Variants in MAGI2 observed in about 807,000 individuals in gnomAD.
MAGI2 encodes membrane-associated guanylate kinase, WW and PDZ domain-containing protein 2.
MAGI2 carries 35 observed loss-of-function variants against 133.3 expected under a neutral mutation model. The observed-to-expected ratio is 0.26, with a 90% CI of 0.20 to 0.35. MAGI2 has a LOEUF of 0.35. MAGI2 is among the 10% of genes least tolerant of loss of function. The pLI, the probability that MAGI2 is intolerant of heterozygous loss-of-function variation, is 1.00. For synonymous variants in MAGI2, 729 were observed against 710.6 expected (o/e 1.03, Z -0.41); for missense variants, 1,636 against 1,863.4 (o/e 0.88, Z 2.25).
intron 1 of MAGI2, among the ~76,000 whole-genome samples, chr7:79,015,218 G>A (rs1808567303): frequency 6.6e-6 from 1 of 152,050 alleles, no homozygotes; most frequent in Admixed American, 6.6e-5. Context: ...ACTTTGGGAG[G>A]CTGAGGCAGG....
intron 9 of MAGI2, among the ~76,000 whole-genome samples, chr7:78,308,380 G>A (rs1001452188): frequency 1.3e-5 from 2 of 152,060 alleles, no homozygotes; most frequent in African/African-American, 4.8e-5. Context: ...TTCGGAGTGG[G>A]GTATCCCCTT....
chr7:78,183,625 T>C (rs932782663), intron 13 of MAGI2, among the ~76,000 whole-genome samples: 1 of 152,136 alleles, frequency 6.6e-6, no homozygotes, highest in Non-Finnish European at 1.5e-5. Context: ...AGTGCAGTGG[T>C]GTGATCACAG....
chr7:78,115,634 TA>T (rs1819790751), intron 20 of MAGI2, among the ~76,000 whole-genome samples: 2 of 45,646 alleles, frequency 4.4e-5, no homozygotes, highest in African/African-American at 1.5e-4. Flanking sequence ...ACCTGGAAAA[TA>T]AAAGAAATAA....
At chr7:79,097,947 C>A (rs1817655848) in intron 1 of MAGI2, among the ~76,000 whole-genome samples, 1 of 152,052 alleles carries the variant, frequency 6.6e-6, no homozygotes, top group Non-Finnish European at 1.5e-5. Flanking sequence ...CATTGTGAAA[C>A]CCCATCTCTA....
At chr7:78,432,940 G>T (rs1799939714) in intron 6 of MAGI2, among the ~76,000 whole-genome samples, 1 of 151,956 alleles carries the variant, frequency 6.6e-6, no homozygotes, top group South Asian at 2.1e-4. Flanking sequence ...TTACTTTAGT[G>T]AGAAACTTTA....
At chr7:79,155,078 C>A (rs1248829146) in intron 1 of MAGI2, among the ~76,000 whole-genome samples, 2 of 152,142 alleles carry the variant, frequency 1.3e-5, no homozygotes, top group Non-Finnish European at 2.9e-5. Flanking sequence ...AAAATTTTCA[C>A]AAGGCACATC....
In MAGI2 at chr7:78,491,871, TTGTGTGTGTGTGTG is replaced by T. The variant is rs10598552; in HGVS notation, c.966-2045_966-2032del. Among the ~76,000 whole-genome samples the T allele has an allele frequency of 4.5e-3, 630 of 141,194 alleles. 4 individuals are homozygous for T. Among genetic ancestry groups the T allele is most frequent in the East Asian group, 0.033 (156 of 4,760 alleles). 92.6% of individuals were successfully genotyped at this position (141,194 alleles called of 152,430 possible). A position where few individuals can be genotyped will look rare whatever the true frequency, so the allele number is the denominator to read the frequency against. ...CTTTATAGACATGCCTCCGTTCAAA[TTGTGTGTGTGTGTG>T]TGTGTGTGTGTGTGTGTGTGTGTGT... is the stretch of plus-strand genomic sequence containing the variant. On this transcript the variant is annotated intron_variant, in intron 5 of 21. Transcript: ENST00000354212.
Position 79,164,548 on chromosome 7 carries a change from T to C in MAGI2, c.302-157342A>G, listed in dbSNP as rs149270224. 4.5e-3 allele frequency among the ~76,000 whole-genome samples: 690 copies of C among 152,116 alleles called. 5 individuals are homozygous for C. Among genetic ancestry groups the C allele is most frequent in the African/African-American group, 0.016 (668 of 41,532 alleles). ...GAGGAAATATTTGTCATCTATTGTC[T>C]CTAAGGGCAGCCACTAGAAGACTTC... On this transcript the variant is annotated intron_variant, in intron 1 of 21. Coordinates refer to ENST00000354212, the MANE Select transcript of MAGI2 (RefSeq NM_012301.4).
intron 1 of MAGI2, among the ~76,000 whole-genome samples, chr7:79,193,957 T>TG (rs1288194689): frequency 6.6e-6 from 1 of 151,642 alleles, no homozygotes; most frequent in African/African-American, 2.4e-5. Flanking sequence ...AGAAAATCTT[T>TG]TTTTGTTTGT....
At chr7:78,256,701 A>G in intron 9 of MAGI2, 120 bp from the exon 10 acceptor site, 1 of 781,970 alleles carries the variant, frequency 1.3e-6, no homozygotes, top group South Asian at 1.8e-5. Flanking sequence ...TGAGAAATCA[A>G]TTAGAATAAT....
chr7:79,437,363 T>C (rs1036227534), intron 1 of MAGI2, among the ~76,000 whole-genome samples: 1 of 152,148 alleles, frequency 6.6e-6, no homozygotes, highest in Non-Finnish European at 1.5e-5. Flanking sequence ...TAAAAGAAGA[T>C]ATTTTTCTTT....
intron 2 of MAGI2, among the ~76,000 whole-genome samples, chr7:78,776,340 T>C (rs921884361): frequency 3.3e-5 from 5 of 152,310 alleles, no homozygotes; most frequent in African/African-American, 1.2e-4. Context: ...TTGATCAAAT[T>C]AGGAAGCTAC....
At position 78,928,439 on chromosome 7, in the gene MAGI2, A is replaced by G. The variant is rs146187317; in HGVS notation, c.418+78651T>C. 1.4e-4 allele frequency among the ~76,000 whole-genome samples: 22 copies of G among 152,080 alleles called. No individual in the cohort carries two copies. The East Asian group carries it at 4.1e-3, about 28-fold the overall frequency. ...AAAACCCTCAAGAACTGGAGATACC[A>G]TGTCAACTTGAAGGCTCATTCCTTT... On this transcript the variant is annotated intron_variant, in intron 2 of 21. Coordinates refer to ENST00000354212, the MANE Select transcript of MAGI2 (RefSeq NM_012301.4).
chr7:78,675,302 A>T (rs1249126606), intron 2 of MAGI2, among the ~76,000 whole-genome samples: 1 of 151,884 alleles, frequency 6.6e-6, no homozygotes, highest in Non-Finnish European at 1.5e-5. Context: ...TGAATGTGTG[A>T]TTCCATGTAG....
intron 16 of MAGI2, among the ~76,000 whole-genome samples, chr7:78,143,918 C>G (rs1823018403): frequency 6.7e-6 from 1 of 149,232 alleles, no homozygotes; most frequent in South Asian, 2.1e-4. Context: ...ACTTATAGTC[C>G]TATAAGTTTT....
At position 78,468,593 on chromosome 7, in the gene MAGI2, A is replaced by G. The variant is rs542694882; in HGVS notation, c.1045+21168T>C. 9.2e-5 allele frequency among the ~76,000 whole-genome samples: 14 copies of G among 152,280 alleles called. No individual in the cohort carries two copies. In the South Asian group the frequency reaches 2.9e-3, roughly 32 times the overall value. ...ATTTCAACTATATTGCACAATTAGA[A>G]TATTATTTTTTTAAATTGGTTTCAA... is the stretch of plus-strand genomic sequence containing the variant. On this transcript the variant is annotated intron_variant, in intron 6 of 21. Transcript: ENST00000354212.
At chr7:78,555,455 T>C (rs749621915) in intron 3 of MAGI2, among the ~76,000 whole-genome samples, 1 of 152,158 alleles carries the variant, frequency 6.6e-6, no homozygotes, top group Non-Finnish European at 1.5e-5. Context: ...AAAAAAACTA[T>C]TCTGGCTGCA....
intron 1 of MAGI2, among the ~76,000 whole-genome samples, chr7:79,356,507 A>G (rs1307615102): frequency 1.3e-5 from 2 of 152,198 alleles, no homozygotes; most frequent in Non-Finnish European, 2.9e-5. Context: ...TCCTATTTAC[A>G]GCATTAATTT....
At chr7:78,038,401 T>A (rs200605050) in intron 21 of MAGI2, among the ~76,000 whole-genome samples, 88,800 of 151,530 alleles carry the variant, frequency 0.59, 27,197 homozygotes, top group African/African-American at 0.78. Flanking sequence ...ACTTGATGTT[T>A]TACTTTTTAA....
Sources: allele counts gnomAD v4.1 joint callset (sites outside exome capture counted in the v4.1 genomes callset), GRCh38; gene constraint gnomAD v4.1.1; transcripts MANE v1.5; gene names NCBI Gene and HGNC (gene_info 2026-07-23, HGNC 2026-07-21).